The following ZNF599 variants were observed in gnomAD, a reference collection of about 807,000 sequenced individuals.
ZNF599 encodes zinc finger protein 599.
Under a neutral mutation model 11.7 loss-of-function variants are expected in ZNF599, and 10 were observed. The observed-to-expected ratio is 0.86, with a 90% confidence interval of 0.53 to 1.45. The LOEUF is 1.45. Ranked by LOEUF, ZNF599 falls within the 40% of genes most tolerant of loss-of-function variation. ZNF599 has a pLI of 0.00. For synonymous variants in ZNF599, 232 were observed against 253.2 expected (o/e 0.92, Z 0.79); for missense variants, 688 against 713.6 (o/e 0.96, Z 0.41).
chr19:34,758,237 G>A lies in ZNF599; in HGVS notation c.*797C>T, dbSNP rs2069083894. 6.6e-6 allele frequency: 1 copy of A among 152,200 alleles called. No homozygotes were observed. Among genetic ancestry groups the A allele is most frequent in the African/African-American group, 2.4e-5 (1 of 41,444 alleles). 9.4% of individuals were successfully genotyped at this position (152,200 alleles called of 1,614,324 possible). ...TCAGAGGCTCACAGAAGCTAACGCT[G>A]TATTTCCCCTAGCAACAATCATTCA... On this transcript the variant is annotated 3_prime_UTR_variant, in exon 4 of 4. Transcript: ENST00000329285.
intron 3 of ZNF599, among the ~76,000 whole-genome samples, chr19:34,761,962 A>G (rs1184451500): frequency 6.6e-5 from 10 of 152,210 alleles, no homozygotes; most frequent in African/African-American, 2.2e-4. Context: ...AATAAAAAAC[A>G]TAACATTAGT....
chr19:34,763,624 C>T (rs569466690), intron 3 of ZNF599: 1 of 152,190 alleles, frequency 6.6e-6, no homozygotes, highest in Non-Finnish European at 1.5e-5. Context: ...GGCCTCTAGA[C>T]CTGAGAGAAA....
At chr19:34,798,567 C>T in the ZNF599 span, among the ~76,000 whole-genome samples, 3 of 152,138 alleles carry the variant, frequency 2.0e-5, no homozygotes, top group African/African-American at 7.2e-5. Context: ...CAGAATTGTT[C>T]ATCTGTACCC....
upstream of ZNF599, among the ~76,000 whole-genome samples, chr19:34,777,341 TATATTATATATTATATATTA>T (rs2069221399): frequency 4.5e-5 from 2 of 44,518 alleles, no homozygotes; most frequent in Admixed American, 3.3e-4. Flanking sequence ...TATATATTAA[TATATTATATATTATATATTA>T]ATATATTATA....
chr19:34,767,189 C>A, intron 3 of ZNF599, 127 bp downstream of exon 3: 1 of 654,048 alleles, frequency 1.5e-6, no homozygotes, highest in Non-Finnish European at 2.7e-6. Context: ...GACGGGGGAC[C>A]ATGGGGTCAA....
the ZNF599 span, among the ~76,000 whole-genome samples, chr19:34,800,589 T>TTG: frequency 2.1e-5 from 3 of 140,196 alleles, no homozygotes; most frequent in South Asian, 6.7e-4. Context: ...TTCCTTTGTT[T>TTG]TTTTTTTTTT....
chr19:34,786,513 C>T, the ZNF599 span, among the ~76,000 whole-genome samples: 1 of 152,146 alleles, frequency 6.6e-6, no homozygotes, highest in Admixed American at 6.5e-5. Flanking sequence ...CCAGCACCAC[C>T]AACTAAACAT....
At chr19:34,772,241 G>T in intron 1 of ZNF599, 1 of 865,394 alleles carries the variant, frequency 1.2e-6, no homozygotes, top group East Asian at 1.2e-4. Context: ...CGGCAAGCCA[G>T]ATTCATTTGT....
At chr19:34,797,825 G>A in the ZNF599 span, among the ~76,000 whole-genome samples, 33 of 152,176 alleles carry the variant, frequency 2.2e-4, no homozygotes, top group African/African-American at 6.5e-4. Flanking sequence ...TGTGAAACTA[G>A]ACAACCAGTT....
chr19:34,767,548 T>C (rs2069153101), intron 2 of ZNF599, 137 bp from the exon 3 acceptor site: 1 of 588,920 alleles, frequency 1.7e-6, no homozygotes, highest in Non-Finnish European at 2.9e-6. Flanking sequence ...ACCAAAAGTA[T>C]TCCCTAATTA....
chr19:34,789,101 C>G, the ZNF599 span, among the ~76,000 whole-genome samples: 1 of 152,172 alleles, frequency 6.6e-6, no homozygotes, highest in Non-Finnish European at 1.5e-5. Flanking sequence ...GCTCCCATCC[C>G]CTAGTGACCA....
chr19:34,781,277 A>C, the ZNF599 span, among the ~76,000 whole-genome samples: 2 of 152,208 alleles, frequency 1.3e-5, no homozygotes, highest in African/African-American at 4.8e-5. Context: ...GAGAGAAGAA[A>C]GAACGAAAGA....
intron 3 of ZNF599, among the ~76,000 whole-genome samples, chr19:34,766,471 A>G (rs1057196953): frequency 1.8e-4 from 28 of 152,138 alleles, no homozygotes; most frequent in African/African-American, 6.5e-4. Context: ...AAAAGAAAGG[A>G]CTGTCTTCTG....
At chr19:34,800,582 C>CTTTTTTTTTTTTTTTTTTTTTTTTTTT in the ZNF599 span, among the ~76,000 whole-genome samples, 1 of 73,836 alleles carries the variant, frequency 1.4e-5, no homozygotes, top group African/African-American at 4.9e-5. Context: ...CTAGCATTTC[C>CTTTTTTTTTTTTTTTTTTTTTTTTTTT]TTTGTTTTTT....
chr19:34,764,455 C>G (rs1358083395), intron 3 of ZNF599: 1 of 151,972 alleles, frequency 6.6e-6, no homozygotes, highest in African/African-American at 2.4e-5. Context: ...GGTTTATATC[C>G]AACAAAAAAT....
chr19:34,780,545 A>G, the ZNF599 span, among the ~76,000 whole-genome samples: 1 of 150,734 alleles, frequency 6.6e-6, no homozygotes, highest in African/African-American at 2.5e-5. Context: ...GGAAAAAAGG[A>G]AGGAAGGAGA....
At chr19:34,805,802 C>T in the ZNF599 span, among the ~76,000 whole-genome samples, 1 of 152,186 alleles carries the variant, frequency 6.6e-6, no homozygotes, top group Admixed American at 6.5e-5. Flanking sequence ...GACCCCTACT[C>T]TCCTGCTAGC....
the ZNF599 span, among the ~76,000 whole-genome samples, chr19:34,782,796 T>G: frequency 1.3e-5 from 2 of 152,172 alleles, no homozygotes; most frequent in African/African-American, 2.4e-5. Context: ...TATAGGCGTC[T>G]CTGAGCCTCG....
At chr19:34,804,225 C>T in the ZNF599 span, among the ~76,000 whole-genome samples, 120 of 152,330 alleles carry the variant, frequency 7.9e-4, no homozygotes, top group Non-Finnish European at 1.5e-3. Context: ...CTGGCGAGTC[C>T]GTAGAGCTGT....
Sources: gnomAD v4.1 joint callset for allele counts (sites outside exome capture counted in the v4.1 genomes callset) on GRCh38, gnomAD v4.1.1 for gene constraint, MANE v1.5 for transcripts, NCBI Gene and HGNC (gene_info 2026-07-23, HGNC 2026-07-21) for gene names.